The following ST3GAL3 variants were observed in gnomAD, a reference collection of about 807,000 sequenced individuals.
The protein encoded by ST3GAL3 is ST3 beta-galactoside alpha-2,3-sialyltransferase 3.
Under a neutral mutation model 50.1 loss-of-function variants are expected in ST3GAL3, and 21 were observed. The observed-to-expected ratio is 0.42, with a 90% CI of 0.30 to 0.60. The LOEUF (loss-of-function observed/expected upper bound fraction) is 0.60, where lower values mean the gene tolerates loss of function less well. ST3GAL3 is among the 20% of genes least tolerant of loss of function. ST3GAL3 has a pLI of 0.19. For synonymous variants in ST3GAL3, 183 were observed against 190.0 expected (o/e 0.96, Z 0.30); for missense variants, 353 against 489.4 (o/e 0.72, Z 2.63).
chr1:43,875,458 T>A (rs2073873283), intron 5 of ST3GAL3, among the ~76,000 whole-genome samples: 1 of 152,092 alleles, frequency 6.6e-6, no homozygotes, highest in African/African-American at 2.4e-5. Flanking sequence ...TTGGAAGTGA[T>A]ATTGTTTGGC....
At chr1:43,748,919 C>T (rs1165895321) in intron 2 of ST3GAL3, among the ~76,000 whole-genome samples, 2 of 152,022 alleles carry the variant, frequency 1.3e-5, no homozygotes. Flanking sequence ...TATGAAAACA[C>T]AAAGAATCTA....
intron 1 of ST3GAL3, among the ~76,000 whole-genome samples, chr1:43,732,037 A>G (rs1676156549): frequency 1.3e-5 from 2 of 152,198 alleles, no homozygotes; most frequent in African/African-American, 4.8e-5. Flanking sequence ...GTATGGGGCC[A>G]TATATGTACA....
chr1:43,817,975 T>A (rs1424918151), intron 4 of ST3GAL3, among the ~76,000 whole-genome samples: 1 of 152,016 alleles, frequency 6.6e-6, no homozygotes, highest in East Asian at 1.9e-4. Flanking sequence ...GCTCAAGTGA[T>A]CCTCCTGCCT....
At chr1:43,717,499 A>G (rs1045549803) in intron 1 of ST3GAL3, among the ~76,000 whole-genome samples, 3 of 148,538 alleles carry the variant, frequency 2.0e-5, no homozygotes, top group African/African-American at 5.1e-5. Context: ...TTTCTTTTCT[A>G]ATTTTTTTTT....
At chr1:43,830,003 T>C (rs1219544913) in intron 4 of ST3GAL3, among the ~76,000 whole-genome samples, 4 of 75,740 alleles carry the variant, frequency 5.3e-5, no homozygotes, top group African/African-American at 3.6e-4. Context: ...TCCTTTTTTT[T>C]TTTTTTTTTT....
At chr1:43,761,698 C>G (rs1019287028) in intron 2 of ST3GAL3, among the ~76,000 whole-genome samples, 1 of 151,896 alleles carries the variant, frequency 6.6e-6, no homozygotes, top group Non-Finnish European at 1.5e-5. Flanking sequence ...TGCCTGTAAT[C>G]CCAGCACTTT....
At chr1:43,857,594 T>TCCTG (rs2068806728) in intron 5 of ST3GAL3, among the ~76,000 whole-genome samples, 1 of 123,942 alleles carries the variant, frequency 8.1e-6, no homozygotes, top group African/African-American at 3.1e-5. Flanking sequence ...CTCCCTTCCT[T>TCCTG]CCTTCCTTCC....
At chr1:43,917,658 TATAA>T (rs2082279755) in intron 9 of ST3GAL3, among the ~76,000 whole-genome samples, 1 of 58,296 alleles carries the variant, frequency 1.7e-5, no homozygotes, top group African/African-American at 4.7e-5. Context: ...TAATATAATA[TATAA>T]TATATATTAT....
At chr1:43,894,989 T>C (rs1254040559) in intron 6 of ST3GAL3, among the ~76,000 whole-genome samples, 1 of 152,116 alleles carries the variant, frequency 6.6e-6, no homozygotes, top group Non-Finnish European at 1.5e-5. Context: ...AACAGTGAAG[T>C]AGACAGATTG....
chr1:43,836,493 A>G lies in ST3GAL3; in HGVS notation c.210-1726A>G, dbSNP rs561824672. On this transcript the variant is annotated intron_variant, in intron 4 of 11. Transcript: ENST00000347631. ...GCTAGGCCCGAGGGGTCTGTGGTGA[A>G]TCAGACATGACACACACTAGGCAGT... 5.9e-5 allele frequency among the ~76,000 whole-genome samples: 9 copies of G among 152,352 alleles called. No homozygotes were observed. The South Asian group carries it at 1.9e-3, about 32-fold the overall frequency.
intron 5 of ST3GAL3, among the ~76,000 whole-genome samples, chr1:43,843,632 C>A (rs1423522639): frequency 1.3e-5 from 2 of 152,148 alleles, no homozygotes; most frequent in African/African-American, 4.8e-5. Context: ...CATCTTTCTA[C>A]AAATTTTGTG....
At chr1:43,847,980 C>A (rs1022533847) in intron 5 of ST3GAL3, among the ~76,000 whole-genome samples, 1 of 152,074 alleles carries the variant, frequency 6.6e-6, no homozygotes, top group African/African-American at 2.4e-5. Context: ...CCGATGACTG[C>A]GAAGTCTTTC....
chr1:43,807,936 A>G (rs1382077905), intron 3 of ST3GAL3, among the ~76,000 whole-genome samples: 1 of 152,100 alleles, frequency 6.6e-6, no homozygotes, highest in African/African-American at 2.4e-5. Context: ...GATGAACTCT[A>G]GGGGGTGTGG....
In ST3GAL3 at chr1:43,817,767, TCTTCTTCTCCTC is replaced by T. The variant is rs1158540602; in HGVS notation, c.209+2849_209+2860del. ...TCCTTCTTCCTCCTCTTCTTCCTCT[TCTTCTTCTCCTC>T]CTTCTTCTCCTCCTCCTTCTCCTCC... On this transcript the variant is annotated intron_variant, in intron 4 of 11. Transcript: ENST00000347631. Among the ~76,000 whole-genome samples the T allele has an allele frequency of 8.0e-4, 6 of 7,500 alleles. 1 individual carries two copies. The highest frequency in any genetic ancestry group is 2.6e-3 in the South Asian group (1 of 378). 4.9% of individuals were successfully genotyped at this position (7,500 alleles called of 152,430 possible).
At chr1:43,855,802 A>G (rs951783859) in intron 5 of ST3GAL3, among the ~76,000 whole-genome samples, 14 of 52,948 alleles carry the variant, frequency 2.6e-4, no homozygotes, top group Non-Finnish European at 1.9e-4. Context: ...TTTGATAAAC[A>G]TAAAAACATT....
At chr1:43,727,887 T>C (rs1370197164) in intron 1 of ST3GAL3, among the ~76,000 whole-genome samples, 3 of 152,164 alleles carry the variant, frequency 2.0e-5, no homozygotes, top group Non-Finnish European at 1.5e-5. Context: ...CAACTTTTAT[T>C]TTCAATTCAG....
At chr1:43,748,147 T>A (rs1013764358) in intron 2 of ST3GAL3, among the ~76,000 whole-genome samples, 4 of 152,060 alleles carry the variant, frequency 2.6e-5, no homozygotes, top group Admixed American at 6.6e-5. Flanking sequence ...TCTTACTATA[T>A]AACAATATCA....
intron 1 of ST3GAL3, among the ~76,000 whole-genome samples, chr1:43,725,769 C>G (rs1189930992): frequency 2.6e-5 from 4 of 152,142 alleles, no homozygotes; most frequent in Admixed American, 2.6e-4. Flanking sequence ...ACCTCAGCCT[C>G]CTGAGTTGCT....
At position 43,890,291 on chromosome 1, in the gene ST3GAL3, G is replaced by T. The variant is rs148480906; in HGVS notation, c.303-4092G>T. ...AATAGTATACAAAGAAAGTGGATGG[G>T]GTATAAAAGAAACAAAACTGACCAT... On this transcript the variant is annotated intron_variant, in intron 5 of 11. Transcript: ENST00000347631. 1.1e-3 allele frequency among the ~76,000 whole-genome samples: 166 copies of T among 152,196 alleles called. 1 individual carries two copies. The highest frequency in any genetic ancestry group is 3.9e-3 in the African/African-American group (162 of 41,518).
Sources: allele counts gnomAD v4.1 joint callset (sites outside exome capture counted in the v4.1 genomes callset), GRCh38; gene constraint gnomAD v4.1.1; transcripts MANE v1.5; gene names NCBI Gene and HGNC (gene_info 2026-07-23, HGNC 2026-07-21).